The following CCDC141 variants were observed in gnomAD, a reference collection of about 807,000 sequenced individuals.
The protein encoded by CCDC141 is coiled-coil domain containing 141.
A neutral mutation model predicts 181.0 loss-of-function variants in CCDC141; 168 were observed. That is an observed-to-expected ratio of 0.93 (90% confidence interval 0.82 to 1.05). The LOEUF (loss-of-function observed/expected upper bound fraction) is 1.05. Ranked by LOEUF, CCDC141 falls within the 50% of genes least tolerant of loss-of-function variation. The pLI is 0.00. For missense variants in CCDC141, 1,902 were observed against 1,788.5 expected (o/e 1.06, Z -1.14); for synonymous variants, 666 against 642.3 (o/e 1.04, Z -0.56).
At chr2:179,015,716 T>A (rs960146130) in intron 2 of CCDC141, among the ~76,000 whole-genome samples, 1 of 140,448 alleles carries the variant, frequency 7.1e-6, no homozygotes, top group African/African-American at 2.6e-5. Context: ...ATCTCATACA[T>A]ATCTCATATA....
At chr2:178,911,959 T>A (rs1309533249) in intron 7 of CCDC141, among the ~76,000 whole-genome samples, 1 of 152,236 alleles carries the variant, frequency 6.6e-6, no homozygotes, top group African/African-American at 2.4e-5. Context: ...AGTAATTAAA[T>A]TATCTTCTTT....
At chr2:178,954,132 T>C (rs1322140131) in intron 5 of CCDC141, among the ~76,000 whole-genome samples, 3 of 152,224 alleles carry the variant, frequency 2.0e-5, no homozygotes, top group South Asian at 2.1e-4. Flanking sequence ...CTTGACACTG[T>C]CGTGTACGCA....
chr2:178,865,709 G>A (rs892449068), intron 17 of CCDC141, 58 bp downstream of exon 17: 90 of 1,388,810 alleles, frequency 6.5e-5, no homozygotes, highest in African/African-American at 1.8e-4. Flanking sequence ...TTAGACACAT[G>A]CTTTAGGTTC....
At chr2:178,921,129 C>T (rs560904621) in intron 6 of CCDC141, among the ~76,000 whole-genome samples, 1 of 152,314 alleles carries the variant, frequency 6.6e-6, no homozygotes, top group African/African-American at 2.4e-5. Flanking sequence ...CATGCAAAAG[C>T]AGCACTCTTA....
intron 19 of CCDC141, 23 bp downstream of exon 19, chr2:178,855,324 A>G (rs1406606507): frequency 6.3e-7 from 1 of 1,584,280 alleles, no homozygotes; most frequent in Non-Finnish European, 8.6e-7. Flanking sequence ...TACAACATGG[A>G]TACCACTGCA....
intron 7 of CCDC141, among the ~76,000 whole-genome samples, chr2:178,911,996 G>C (rs1688239389): frequency 6.6e-6 from 1 of 152,134 alleles, no homozygotes; most frequent in African/African-American, 2.4e-5. Flanking sequence ...CAAGTACCTT[G>C]GATCAATATA....
intron 2 of CCDC141, among the ~76,000 whole-genome samples, chr2:179,015,714 C>T (rs1003797774): frequency 2.6e-4 from 33 of 128,024 alleles, no homozygotes; most frequent in African/African-American, 8.8e-4. Flanking sequence ...ATATCTCATA[C>T]ATATCTCATA....
At chr2:178,919,771 G>T (rs1410969823) in intron 6 of CCDC141, among the ~76,000 whole-genome samples, 1 of 152,094 alleles carries the variant, frequency 6.6e-6, no homozygotes, top group Non-Finnish European at 1.5e-5. Flanking sequence ...GGTAATTGTG[G>T]TTTTTGCCAT....
chr2:178,824,658 T>G, the CCDC141 span, among the ~76,000 whole-genome samples: 2 of 140,890 alleles, frequency 1.4e-5, no homozygotes, highest in African/African-American at 2.7e-5. Flanking sequence ...CAGCTGCAAC[T>G]GAGGACCAGC....
At position 178,975,150 on chromosome 2, in the gene CCDC141, C is replaced by T. The variant is rs1366871993; in HGVS notation, c.433G>A (p.Asp145Asn). ...ENALEFAIKIDQAEDFLQNTH... is the reference protein window; with the variant it reads ...ENALEFAIKINQAEDFLQNTH... Reference sequence around the variant, plus strand: ...TTCTGGAGGAAATCTTCAGCTTGGTCTATTTTAATAGCAAACTACAATAGA... The same window carrying T: ...TTCTGGAGGAAATCTTCAGCTTGGTTTATTTTAATAGCAAACTACAATAGA... Residue 145 changes from aspartate to asparagine, a missense_variant, in exon 4 of 24, where the codon GAC becomes AAC. By Grantham distance (23) the Asp-to-Asn change is conservative (BLOSUM62 1). Transcript: ENST00000443758. 2.0e-6 allele frequency: 3 copies of T among 1,497,948 alleles called. No individual in the cohort carries two copies. The allele number at this position is 1,497,948 out of a possible 1,614,324, so 92.8% of individuals were successfully genotyped here.
intron 11 of CCDC141, among the ~76,000 whole-genome samples, chr2:178,883,252 G>A (rs2154370306): frequency 6.6e-6 from 1 of 152,234 alleles, no homozygotes; most frequent in South Asian, 2.1e-4. Context: ...GAATAGTTTG[G>A]AACTTGCCAA....
chr2:178,966,914 T>A (rs1039536247), intron 4 of CCDC141, among the ~76,000 whole-genome samples: 1 of 151,426 alleles, frequency 6.6e-6, no homozygotes, highest in Non-Finnish European at 1.5e-5. Flanking sequence ...ATAAATGACC[T>A]CATGGAGCTG....
chr2:178,989,829 T>TAAAAAA (rs71023463), intron 2 of CCDC141, among the ~76,000 whole-genome samples: 1 of 81,398 alleles, frequency 1.2e-5, no homozygotes, highest in African/African-American at 4.9e-5. Context: ...GCTATAATCT[T>TAAAAAA]AAAAAAAAAA....
intron 2 of CCDC141, among the ~76,000 whole-genome samples, chr2:179,009,262 A>C (rs143495692): frequency 1.3e-4 from 20 of 152,164 alleles, no homozygotes; most frequent in African/African-American, 4.8e-4. Flanking sequence ...TATTGGGCTT[A>C]TTTGTTTAAA....
chr2:178,896,870 G>A (rs1687433702), intron 8 of CCDC141, among the ~76,000 whole-genome samples: 1 of 152,108 alleles, frequency 6.6e-6, no homozygotes, highest in Non-Finnish European at 1.5e-5. Context: ...TTTATGTCTA[G>A]AGCACAGAAG....
At chr2:178,986,951 G>A (rs1691777116) in intron 2 of CCDC141, among the ~76,000 whole-genome samples, 1 of 151,950 alleles carries the variant, frequency 6.6e-6, no homozygotes, top group African/African-American at 2.4e-5. Flanking sequence ...TTTCTTCACA[G>A]AATTGGAAAA....
chr2:178,972,848 T>C (rs1395668283), intron 4 of CCDC141, among the ~76,000 whole-genome samples: 3 of 152,196 alleles, frequency 2.0e-5, no homozygotes, highest in Non-Finnish European at 4.4e-5. Context: ...CTAACTTCCG[T>C]AGTGTTAAAG....
rs1345032422 is a variant in CCDC141 at position 178,886,295 on chromosome 2, G to A, written c.1527+457C>T. On this transcript the variant is annotated intron_variant, in intron 10 of 23. Coordinates refer to ENST00000443758, the MANE Select transcript of CCDC141 (RefSeq NM_173648.4). ...GGAGAAGGTGCTGTGGTGGGGGTGG[G>A]GCACTTTCTGTCTCTGAATGTTAGG... Among the ~76,000 whole-genome samples the A allele has an allele frequency of 4.0e-5, 6 of 151,732 alleles. No homozygotes were observed. The East Asian group carries it at 1.2e-3, about 29-fold the overall frequency.
At chr2:178,959,215 C>T (rs1295217451) in intron 5 of CCDC141, among the ~76,000 whole-genome samples, 1 of 151,654 alleles carries the variant, frequency 6.6e-6, no homozygotes, top group African/African-American at 2.4e-5. Flanking sequence ...ATGGGTGCAG[C>T]ACACCAACAT....
Sources: gnomAD v4.1 joint callset for allele counts (sites outside exome capture counted in the v4.1 genomes callset) on GRCh38, gnomAD v4.1.1 for gene constraint, MANE v1.5 for transcripts, NCBI Gene and HGNC (gene_info 2026-07-23, HGNC 2026-07-21) for gene names.